The following SANBR variants were observed in gnomAD, a reference collection of about 807,000 sequenced individuals.
SANBR encodes the protein SANT and BTB domain regulator of class switch recombination.
In SANBR, 77 loss-of-function variants were observed where a neutral mutation model predicts 101.8. That is an observed-to-expected ratio of 0.76 (90% CI 0.63 to 0.91). The LOEUF is 0.91. SANBR is among the 40% of genes least tolerant of loss of function. The pLI, the probability that SANBR is intolerant of heterozygous loss-of-function variation, is 0.00. For synonymous variants in SANBR, 279 were observed against 274.7 expected (o/e 1.02, Z -0.15); for missense variants, 875 against 853.0 (o/e 1.03, Z -0.32).
At chr2:61,107,654 T>C (rs1177263) in intron 14 of SANBR, among the ~76,000 whole-genome samples, 97,529 of 152,084 alleles carry the variant, frequency 0.64, 33,239 homozygotes, top group African/African-American at 0.88. Flanking sequence ...TTGTAATCCC[T>C]GCACTTTGGG....
Position 61,071,865 on chromosome 2 carries a change from TTTTC to T in SANBR, c.337+81_337+84del, listed in dbSNP as rs370460539. ...CAGAATATTATATATTCCAATCAAC[TTTTC>T]TTTCTTTGTTTAAAGGCTAATATAA... On this transcript the variant is annotated intron_variant, in intron 4 of 21. Coordinates refer to ENST00000402291, the MANE Select transcript of SANBR (RefSeq NM_001129993.3). 2.2e-3 allele frequency: 2,001 copies of T among 916,460 alleles called. 60 individuals are homozygous for T. In the South Asian group the frequency reaches 0.03, roughly 14 times the overall value. The allele number at this position is 916,460 out of a possible 1,614,324, so 56.8% of individuals were successfully genotyped here. A position where few individuals can be genotyped will look rare whatever the true frequency, so the allele number is the denominator to read the frequency against.
At position 61,116,170 on chromosome 2, in the gene SANBR, T is replaced by A. The variant is rs1164880807; in HGVS notation, c.1836+100T>A. The A allele has an allele frequency of 7.7e-6, 6 of 779,444 alleles. No homozygotes were observed. In the East Asian group the frequency reaches 1.5e-4, roughly 20 times the overall value. The allele number at this position is 779,444 out of a possible 1,614,324, so 48.3% of individuals were successfully genotyped here. A position where few individuals can be genotyped will look rare whatever the true frequency, so the allele number is the denominator to read the frequency against. On this transcript the variant is annotated intron_variant, in intron 17 of 21. Coordinates refer to ENST00000402291, the MANE Select transcript of SANBR (RefSeq NM_001129993.3). Reference sequence around the variant, plus strand: ...AGAGTAATGAAGACACATGGAATGCTAGCAATGTAAAAATGAAGTTTTTTA... The same window carrying A: ...AGAGTAATGAAGACACATGGAATGCAAGCAATGTAAAAATGAAGTTTTTTA...
chr2:61,098,304 A>G (rs536469665), intron 12 of SANBR, among the ~76,000 whole-genome samples: 5 of 151,872 alleles, frequency 3.3e-5, no homozygotes, highest in Admixed American at 6.6e-5. Context: ...GGGTTTCGCC[A>G]TGTTGCCCAG....
chr2:61,121,611 A>G lies in SANBR; in HGVS notation c.2120+335A>G, dbSNP rs1461057284. ...CACATATTAATACTTTATATAAATC[A>G]CTGTAATCTTTACCACTCCTTGCTT... On this transcript the variant is annotated intron_variant, in intron 21 of 21. Transcript: ENST00000402291. 6 of 183,930 alleles carry G rather than the reference A, an allele frequency of 3.3e-5. No homozygotes were observed. In the South Asian group the frequency reaches 5.0e-4, roughly 15 times the overall value. The allele number at this position is 183,930 out of a possible 1,614,324, so 11.4% of individuals were successfully genotyped here.
intron 1 of SANBR, 77 bp from the exon 2 acceptor site, chr2:61,068,772 A>C (rs1008843798): frequency 3.3e-5 from 5 of 152,264 alleles, no homozygotes; most frequent in Admixed American, 3.3e-4. Flanking sequence ...TGTAGTCCTC[A>C]CTCTTTGCCA....
In SANBR at chr2:61,109,229, A is replaced by G; in HGVS notation, c.1677A>G (p.Glu559=). ...AGTCACTGTTTTCAGAAGAAGAAGA[A>G]TATACCACTGGATCTGAGGTCACTG... ...KQQSLFSEEE[E]YTTGSEVTED... is the part of the protein sequence containing the mutation. The change falls in exon 16 of 22, where the codon GAA becomes GAG. Residue 559 remains glutamate, a synonymous_variant. Coordinates refer to ENST00000402291, the MANE Select transcript of SANBR (RefSeq NM_001129993.3). The G allele has an allele frequency of 1.3e-6, 2 of 1,560,016 alleles. No homozygotes were observed. The highest frequency in any genetic ancestry group is 1.7e-6 in the Non-Finnish European group (2 of 1,150,774).
At position 61,097,689 on chromosome 2, in the gene SANBR, G is replaced by T. The variant is rs373796692; in HGVS notation, c.1213-11G>T. ...GGAAATAGTAGTTGATTTTATCTAT[G>T]TCTTTATCAGGCCTTTCTCTGTATT... On this transcript the variant is annotated splice_polypyrimidine_tract_variant and intron_variant, in intron 11 of 21. Transcript: ENST00000402291. 1,616 of 1,567,130 alleles carry T rather than the reference G, an allele frequency of 1.0e-3. 1 individual carries two copies. Among genetic ancestry groups the T allele is most frequent in the Non-Finnish European group, 1.3e-3 (1,461 of 1,148,072 alleles).
At chr2:61,137,401 A>ACT (rs1684884297) in intron 21 of SANBR, 1 of 152,238 alleles carries the variant, frequency 6.6e-6, no homozygotes, top group African/African-American at 2.4e-5. Flanking sequence ...AGCCTGCTAA[A>ACT]CTCTGCACAC....
chr2:61,127,861 T>C (rs1403624470), downstream of SANBR, among the ~76,000 whole-genome samples: 1 of 152,184 alleles, frequency 6.6e-6, no homozygotes, highest in African/African-American at 2.4e-5. Context: ...TGAAAAACTT[T>C]ATACATCCAA....
At chr2:61,096,658 T>C (rs909815423) in intron 11 of SANBR, among the ~76,000 whole-genome samples, 5 of 151,922 alleles carry the variant, frequency 3.3e-5, no homozygotes, top group Admixed American at 3.3e-4. Context: ...AAGCAGTCCT[T>C]CTGCCTCAGC....
At chr2:61,073,412 A>G in intron 4 of SANBR, 46 bp from the exon 5 acceptor site, 1 of 955,598 alleles carries the variant, frequency 1.0e-6, no homozygotes, top group Non-Finnish European at 1.6e-6. Flanking sequence ...TAGAAACACT[A>G]ACCCCCACCT....
chr2:61,136,324 A>T (rs1201143307), intron 21 of SANBR, among the ~76,000 whole-genome samples: 1 of 148,774 alleles, frequency 6.7e-6, no homozygotes, highest in African/African-American at 2.5e-5. Context: ...AAGAAAAAAG[A>T]ATCTAAACAA....
chr2:61,109,284 T>C lies in SANBR; in HGVS notation c.1732T>C (p.Ser578Pro). The C allele has an allele frequency of 6.4e-7, 1 of 1,554,250 alleles. No homozygotes were observed. The highest frequency in any genetic ancestry group is 8.8e-7 in the Non-Finnish European group (1 of 1,139,676). ...TGAAGTTGGAGATGAAGAAGAAGTA[T>C]CCAAGAAACAAAGTATTGGTTTATA... ...EDEVGDEEEV[S>P]KKQRKKEKPK... is the part of the protein sequence containing the mutation. Residue 578 changes from serine (S) to proline (P), a missense_variant, in exon 16 of 22, where the codon TCC (serine) becomes CCC (proline). Transcript: ENST00000402291.
At chr2:61,090,863 G>C (rs1275658741) in intron 10 of SANBR, among the ~76,000 whole-genome samples, 2 of 151,388 alleles carry the variant, frequency 1.3e-5, no homozygotes, top group African/African-American at 4.9e-5. Context: ...GGTGTGAGCC[G>C]CCATTCCTGG....
At position 61,083,225 on chromosome 2, in the gene SANBR, T is replaced by C; in HGVS notation, c.801T>C (p.Cys267=). The stretch of plus-strand genomic sequence containing the variant: ...TAGCTACCCCATGCAACATGAACTG[T>C]ATTAATGCAAATCTTCTCACACGTA... ...AIVATPCNMN[C]INANLLTRIA... The change falls in exon 8 of 22, where the codon TGT becomes TGC. Residue 267 remains cysteine (C), a synonymous_variant. Coordinates refer to ENST00000402291, the MANE Select transcript of SANBR (RefSeq NM_001129993.3). 1 of 1,610,936 alleles carries C rather than the reference T, an allele frequency of 6.2e-7. No individual in the cohort carries two copies. Among genetic ancestry groups the C allele is most frequent in the African/African-American group, 1.3e-5 (1 of 74,962 alleles).
rs371594971 is a variant in SANBR at position 61,118,132 on chromosome 2, T to C, written c.2028+16T>C. 115 of 1,546,106 alleles carry C rather than the reference T, an allele frequency of 7.4e-5. No individual in the cohort carries two copies. The highest frequency in any genetic ancestry group is 1.0e-4 in the Admixed American group (6 of 58,744). ...AGCAAAAGAAGTAAGAATTGTGTAC[T>C]AGTGTATTGTACTTGTGTAAAATAT... On this transcript the variant is annotated intron_variant, in intron 20 of 21. Transcript: ENST00000402291.
chr2:61,094,413 T>A (rs1682926878), intron 11 of SANBR, among the ~76,000 whole-genome samples: 1 of 152,212 alleles, frequency 6.6e-6, no homozygotes, highest in African/African-American at 2.4e-5. Context: ...TCACTTCGAA[T>A]AATGGATGTA....
intron 3 of SANBR, 28 bp from the exon 4 acceptor site, chr2:61,071,578 C>G (rs12998686): frequency 7.1e-7 from 1 of 1,417,600 alleles, no homozygotes; most frequent in Non-Finnish European, 9.5e-7. Context: ...TCCCAAACCT[C>G]TGTTTCTTTC....
At chr2:61,096,073 C>A (rs758381269) in intron 11 of SANBR, among the ~76,000 whole-genome samples, 1 of 152,116 alleles carries the variant, frequency 6.6e-6, no homozygotes, top group African/African-American at 2.4e-5. Context: ...GTATTTCTTA[C>A]AAACTTTCTA....
Sources: gnomAD v4.1 joint callset for allele counts (sites outside exome capture counted in the v4.1 genomes callset) on GRCh38, gnomAD v4.1.1 for gene constraint, MANE v1.5 for transcripts, NCBI Gene and HGNC (gene_info 2026-07-23, HGNC 2026-07-21) for gene names.